ZNF804A: variants seen among roughly 807,000 people sequenced by gnomAD.
The protein encoded by ZNF804A is zinc finger protein 804A.
Under a neutral mutation model 16.5 loss-of-function variants are expected in ZNF804A, and 2 were observed. That is an observed-to-expected ratio of 0.12 (90% CI 0.05 to 0.38). The LOEUF (loss-of-function observed/expected upper bound fraction) is 0.38. Ranked by LOEUF, ZNF804A falls within the 10% of genes least tolerant of loss-of-function variation. The pLI is 0.99. For missense variants in ZNF804A, 1,473 were observed against 1,390.7 expected, an observed-to-expected ratio of 1.06 and a Z score of -0.94; for synonymous variants, 534 against 489.6, an observed-to-expected ratio of 1.09 and a Z score of -1.20.
intron 1 of ZNF804A, among the ~76,000 whole-genome samples, chr2:184,709,272 G>A (rs946502391): frequency 6.6e-6 from 1 of 152,068 alleles, no homozygotes; most frequent in African/African-American, 2.4e-5. Context: ...AAAGAAACAA[G>A]TTGCCTTCAG....
At chr2:184,808,521 G>A (rs923353371) in intron 1 of ZNF804A, among the ~76,000 whole-genome samples, 4 of 151,336 alleles carry the variant, frequency 2.6e-5, no homozygotes, top group Admixed American at 2.0e-4. Context: ...TTCAGATTTA[G>A]AATAATACAT....
In ZNF804A at chr2:184,756,775, CAT is replaced by C. The variant is rs1292933843; in HGVS notation, c.112-109593_112-109592del. Among the ~76,000 whole-genome samples the C allele has an allele frequency of 1.3e-5, 2 of 151,898 alleles. 1 individual carries two copies. The highest frequency in any genetic ancestry group is 6.4e-3 in the Middle Eastern group (2 of 314). On this transcript the variant is annotated intron_variant, in intron 1 of 3. Coordinates refer to ENST00000302277, the MANE Select transcript of ZNF804A (RefSeq NM_194250.2). ...GTGTATAGGTGTAACTATGTAGATA[CAT>C]GTGTCTTTTTTCATAAATACATTTC... is the stretch of plus-strand genomic sequence containing the variant.
intron 2 of ZNF804A, chr2:184,902,555 A>T (rs796627420): frequency 1.3e-5 from 2 of 152,044 alleles, no homozygotes; most frequent in Non-Finnish European, 2.9e-5. Context: ...AGCCTCTTTC[A>T]TGACCTTCCC....
chr2:184,677,490 A>G (rs1692458598), intron 1 of ZNF804A, among the ~76,000 whole-genome samples: 1 of 151,998 alleles, frequency 6.6e-6, no homozygotes, highest in African/African-American at 2.4e-5. Flanking sequence ...AATTATCTAC[A>G]ATGTCAATAA....
At chr2:184,790,723 C>A (rs901601784) in intron 1 of ZNF804A, among the ~76,000 whole-genome samples, 2 of 152,056 alleles carry the variant, frequency 1.3e-5, no homozygotes, top group African/African-American at 4.8e-5. Flanking sequence ...CCTGCCTCAG[C>A]CTCCAGAGCA....
intron 1 of ZNF804A, among the ~76,000 whole-genome samples, chr2:184,674,653 A>G (rs1199854998): frequency 1.3e-5 from 2 of 151,834 alleles, no homozygotes; most frequent in African/African-American, 4.8e-5. Flanking sequence ...GTAGGATGGG[A>G]TGGGCATCAC....
chr2:184,832,187 G>A (rs183499133), intron 1 of ZNF804A, among the ~76,000 whole-genome samples: 20 of 151,944 alleles, frequency 1.3e-4, no homozygotes, highest in East Asian at 7.8e-4. Context: ...GCTATCGAAG[G>A]CCTGTAACAA....
chr2:184,935,060 ATG>A (rs1685763445), intron 3 of ZNF804A, among the ~76,000 whole-genome samples: 1 of 152,140 alleles, frequency 6.6e-6, no homozygotes, highest in East Asian at 1.9e-4. Flanking sequence ...TCTTATATTT[ATG>A]TGTTTGTCAG....
chr2:184,840,760 G>A, intron 1 of ZNF804A, among the ~76,000 whole-genome samples: 1 of 151,840 alleles, frequency 6.6e-6, no homozygotes, highest in Non-Finnish European at 1.5e-5. Flanking sequence ...CTCTTATTCA[G>A]CTTAAGAATT....
chr2:184,723,579 C>T (rs1693357789), intron 1 of ZNF804A, among the ~76,000 whole-genome samples: 1 of 151,762 alleles, frequency 6.6e-6, no homozygotes, highest in Non-Finnish European at 1.5e-5. Context: ...TCAACCATTA[C>T]ATATTAGTGT....
intron 2 of ZNF804A, among the ~76,000 whole-genome samples, chr2:184,878,857 C>T (rs1480327643): frequency 6.6e-6 from 1 of 151,846 alleles, no homozygotes; most frequent in Non-Finnish European, 1.5e-5. Flanking sequence ...ATGACAATCA[C>T]CAGACCATAC....
intron 2 of ZNF804A, among the ~76,000 whole-genome samples, chr2:184,882,471 A>G (rs577967617): frequency 1.2e-4 from 19 of 152,222 alleles, no homozygotes; most frequent in South Asian, 4.1e-4. Flanking sequence ...ACAGATATCT[A>G]TAGAGCACTC....
At chr2:184,715,111 T>A (rs1316343515) in intron 1 of ZNF804A, among the ~76,000 whole-genome samples, 2 of 152,114 alleles carry the variant, frequency 1.3e-5, no homozygotes, top group Non-Finnish European at 2.9e-5. Flanking sequence ...TTCACAAAAT[T>A]GCAAAAGGTT....
intron 1 of ZNF804A, among the ~76,000 whole-genome samples, chr2:184,815,972 C>A (rs1360423214): frequency 1.3e-5 from 2 of 151,962 alleles, no homozygotes; most frequent in Non-Finnish European, 2.9e-5. Flanking sequence ...TGCCTTAAAT[C>A]TCTAAAATGT....
At chr2:184,630,864 TA>T (rs915326690) in intron 1 of ZNF804A, among the ~76,000 whole-genome samples, 35 of 151,078 alleles carry the variant, frequency 2.3e-4, no homozygotes, top group East Asian at 1.7e-3. Context: ...TCTGTCATTT[TA>T]AAAAAAAATA....
chr2:184,599,469 G>A (rs1307627706), intron 1 of ZNF804A, among the ~76,000 whole-genome samples: 2 of 152,180 alleles, frequency 1.3e-5, no homozygotes, highest in African/African-American at 4.8e-5. Context: ...ATGGAGGCAG[G>A]GAACCATGTG....
chr2:184,729,915 T>C (rs1300261649), intron 1 of ZNF804A, among the ~76,000 whole-genome samples: 2 of 152,112 alleles, frequency 1.3e-5, no homozygotes, highest in Non-Finnish European at 2.9e-5. Flanking sequence ...TATCACGGTA[T>C]GAATTTCTCT....
chr2:184,878,427 G>T (rs1392389537), intron 2 of ZNF804A, among the ~76,000 whole-genome samples: 1 of 151,948 alleles, frequency 6.6e-6, no homozygotes, highest in Non-Finnish European at 1.5e-5. Context: ...CAATAATGGA[G>T]GCAGCAATAT....
At chr2:184,617,017 T>G (rs929027695) in intron 1 of ZNF804A, among the ~76,000 whole-genome samples, 3 of 152,068 alleles carry the variant, frequency 2.0e-5, no homozygotes, top group African/African-American at 7.2e-5. Context: ...TTCTCTTCTC[T>G]CCACTCCTTA....
Sources: allele counts gnomAD v4.1 joint callset (sites outside exome capture counted in the v4.1 genomes callset), GRCh38; gene constraint gnomAD v4.1.1; transcripts MANE v1.5; gene names NCBI Gene and HGNC (gene_info 2026-07-23, HGNC 2026-07-21).